MROH2A: variants seen among roughly 807,000 people sequenced by gnomAD.
MROH2A encodes the protein maestro heat-like repeat-containing protein family member 2A.
In MROH2A, 174 loss-of-function variants were observed where a neutral mutation model predicts 200.4. That is an observed-to-expected ratio of 0.87 (90% CI 0.77 to 0.98). The LOEUF is 0.98. MROH2A is among the 50% of genes least tolerant of loss of function. MROH2A has a pLI of 0.00. For synonymous variants in MROH2A, 829 were observed against 840.4 expected (o/e 0.99, Z 0.23); for missense variants, 2,045 against 2,139.6 (o/e 0.96, Z 0.87).
Position 233,818,751 on chromosome 2 carries a change from C to G in MROH2A, c.3185C>G (p.Ala1062Gly). Reference protein sequence around the residue: ...QSTDVEKIFCASSRIAKVVCM... With the variant: ...QSTDVEKIFCGSSRIAKVVCM... ...ACAGATGTGGAGAAGATCTTCTGTG[C>G]ATCCTCCAGAATCGCCAAGGTGACA... Residue 1062 changes from alanine to glycine, a missense_variant, in exon 29 of 42, where the codon GCA becomes GGA. By Grantham distance (60) the Ala-to-Gly change is moderately conservative. Coordinates refer to ENST00000389758, the MANE Select transcript of MROH2A (RefSeq NM_001394639.1). The G allele has an allele frequency of 6.5e-7, 1 of 1,547,854 alleles. No homozygotes were observed. The highest frequency in any genetic ancestry group is 8.7e-7 in the Non-Finnish European group (1 of 1,144,720).
Position 233,811,981 on chromosome 2 carries a change from AC to A in MROH2A, c.2651+26del, listed in dbSNP as rs11358819. Reference sequence around the variant, plus strand: ...TGAGGTGAGCTGGGTTCCCACCCTCACCCCATCCCAAGGGGTAGGGAAAAGT... The same window carrying A: ...TGAGGTGAGCTGGGTTCCCACCCTCACCCATCCCAAGGGGTAGGGAAAAGT... On this transcript the variant is annotated intron_variant, in intron 24 of 41. Coordinates refer to ENST00000389758, the MANE Select transcript of MROH2A (RefSeq NM_001394639.1). 5.3e-3 allele frequency: 8,096 copies of A among 1,515,852 alleles called. 341 individuals carry two copies. The African/African-American group carries it at 0.099, about 19-fold the overall frequency. 93.9% of individuals were successfully genotyped at this position (1,515,852 alleles called of 1,614,324 possible).
At chr2:233,817,392 G>A (rs893864325) in intron 27 of MROH2A, among the ~76,000 whole-genome samples, 4 of 152,140 alleles carry the variant, frequency 2.6e-5, no homozygotes, top group Non-Finnish European at 1.5e-5. Context: ...ATGGAGTCAG[G>A]GTCTGGGGCG....
chr2:233,796,451 T>C, intron 11 of MROH2A, 138 bp downstream of exon 11: 1 of 611,790 alleles, frequency 1.6e-6, no homozygotes, highest in Non-Finnish European at 2.9e-6. Context: ...GCCAAGGTTC[T>C]TGGCTGCTTT....
Position 233,831,411 on chromosome 2 carries a change from C to T in MROH2A, c.4605C>T (p.Ala1535=). The change falls in exon 39 of 42, where the codon GCC becomes GCT. Residue 1535 remains alanine, a splice_region_variant and synonymous_variant. Transcript: ENST00000389758. ...GCTGCCGTCCTGTGTCCCTGCAGGC[C>T]TGTATGGCTACCATGTTTCAGTGTG... ...SQDPCSNAAQ[A]CMATMFQCVH... The T allele has an allele frequency of 1.3e-6, 2 of 1,549,302 alleles. No homozygotes were observed. The highest frequency in any genetic ancestry group is 1.7e-6 in the Non-Finnish European group (2 of 1,146,362).
At chr2:233,822,654 T>C in intron 33 of MROH2A, 98 bp downstream of exon 33, 2 of 1,275,514 alleles carry the variant, frequency 1.6e-6, no homozygotes, top group Admixed American at 2.1e-5. Flanking sequence ...AGGGGCCCTC[T>C]GTCTCCTCCT....
At position 233,811,918 on chromosome 2, in the gene MROH2A, T is replaced by G; in HGVS notation, c.2610T>G (p.Ser870=). 6.4e-7 allele frequency: 1 copy of G among 1,550,424 alleles called. No homozygotes were observed. The highest frequency in any genetic ancestry group is 8.7e-7 in the Non-Finnish European group (1 of 1,146,934). The change falls in exon 24 of 42, where the codon TCT becomes TCG. Residue 870 remains serine, a synonymous_variant. Coordinates refer to ENST00000389758, the MANE Select transcript of MROH2A (RefSeq NM_001394639.1). ...CAGAACCGACTGACAACCTGGTTTC[T>G]CCAGTGCGAGCCTTGGCGATGGAGG... ...IKAEPTDNLV[S]PVRALAMEAL... is the part of the protein sequence containing the mutation.
At chr2:233,815,845 C>CTTTTTTTTTTTTTTTTTTTTTT (rs5839494) in intron 26 of MROH2A, among the ~76,000 whole-genome samples, 1 of 129,252 alleles carries the variant, frequency 7.7e-6, no homozygotes. Context: ...TTAGATTTTG[C>CTTTTTTTTTTTTTTTTTTTTTT]TTTTTTTTTT....
chr2:233,804,125 G>T lies in MROH2A; in HGVS notation c.1824G>T (p.Gln608His). ...TCAACCTCTTGAGGACCCTGAGCCAGAGCATCGCACCCTCCATGGCCGACA... is the reference window on the plus strand; with the variant it reads ...TCAACCTCTTGAGGACCCTGAGCCATAGCATCGCACCCTCCATGGCCGACA... ...AMLNLLRTLS[Q>H]SIAPSMADMW... Residue 608 changes from glutamine to histidine, a missense_variant, in exon 17 of 42, where the codon CAG (glutamine) becomes CAT (histidine). Gln to His is a conservative substitution (Grantham distance 24). This residue lies in a region of MROH2A where 831 missense variants were observed against 800.0 expected (regional missense o/e 1.04). Coordinates refer to ENST00000389758, the MANE Select transcript of MROH2A (RefSeq NM_001394639.1). 6.4e-7 allele frequency: 1 copy of T among 1,550,578 alleles called. No homozygotes were observed. The highest frequency in any genetic ancestry group is 8.7e-7 in the Non-Finnish European group (1 of 1,147,004).
intron 1 of MROH2A, among the ~76,000 whole-genome samples, chr2:233,779,034 A>G (rs1700802592): frequency 6.6e-6 from 1 of 152,178 alleles, no homozygotes; most frequent in South Asian, 2.1e-4. Context: ...GGCCCTCACC[A>G]CAGGCAGTTT....
At chr2:233,812,267 G>A (rs1575979596) in intron 24 of MROH2A, among the ~76,000 whole-genome samples, 1 of 152,232 alleles carries the variant, frequency 6.6e-6, no homozygotes, top group Non-Finnish European at 1.5e-5. Context: ...ACACTGAAGA[G>A]CATTGCAAGC....
Position 233,816,724 on chromosome 2 carries a change from A to G in MROH2A, c.2857-57A>G, listed in dbSNP as rs1410568458. 13 of 1,249,440 alleles carry G rather than the reference A, an allele frequency of 1.0e-5. No homozygotes were observed. In the East Asian group the frequency reaches 3.0e-4, roughly 29 times the overall value. The allele number at this position is 1,249,440 out of a possible 1,614,324, so 77.4% of individuals were successfully genotyped here. A position where few individuals can be genotyped will look rare whatever the true frequency, so the allele number is the denominator to read the frequency against. Reference sequence around the variant, plus strand: ...GTGAGGTGGGCAAAAGCTGGCCAGGAAAGGGCTGGCCCCAGGATTTTAACA... The same window carrying G: ...GTGAGGTGGGCAAAAGCTGGCCAGGGAAGGGCTGGCCCCAGGATTTTAACA... On this transcript the variant is annotated intron_variant, in intron 26 of 41. Transcript: ENST00000389758.
intron 31 of MROH2A, 101 bp from the exon 32 acceptor site, chr2:233,822,023 C>A: frequency 7.2e-7 from 1 of 1,385,434 alleles, no homozygotes; most frequent in Non-Finnish European, 9.6e-7. Context: ...TCCCCAGAGT[C>A]CAACCCCTAC....
Position 233,829,067 on chromosome 2 carries a change from G to A in MROH2A, c.4441G>A (p.Asp1481Asn), listed in dbSNP as rs1268782439. 6 of 1,513,854 alleles carry A rather than the reference G, an allele frequency of 4.0e-6. No individual in the cohort carries two copies. In the African/African-American group the frequency reaches 5.6e-5, roughly 14 times the overall value. The allele number at this position is 1,513,854 out of a possible 1,614,324, so 93.8% of individuals were successfully genotyped here. Residue 1481 changes from aspartate (D) to asparagine (N), a missense_variant, in exon 37 of 42, where the codon GAC (aspartate) becomes AAC (asparagine). This residue lies in a region of MROH2A where 1,201 missense variants were observed against 1,311.3 expected (regional missense o/e 0.92). Coordinates refer to ENST00000389758, the MANE Select transcript of MROH2A (RefSeq NM_001394639.1). ...GTCTGAGCAGTGCAGGATCTTCTTCGACAACGTGAGTCCGATGAGAGCCTC... is the reference window on the plus strand; with the variant it reads ...GTCTGAGCAGTGCAGGATCTTCTTCAACAACGTGAGTCCGATGAGAGCCTC... Reference protein sequence around the residue: ...AMSEQCRIFFDNESELLRLKA... With the variant: ...AMSEQCRIFFNNESELLRLKA...
At chr2:233,823,861 A>T (rs1314510106) in intron 35 of MROH2A, among the ~76,000 whole-genome samples, 197 bp downstream of exon 35, 6 of 152,182 alleles carry the variant, frequency 3.9e-5, no homozygotes. Context: ...TGCTGGAAAG[A>T]CAGGCTGAGC....
chr2:233,807,367 C>G lies in MROH2A; in HGVS notation c.2053-56C>G. ...GTAGAAAACTCTCTACAACAGCACC[C>G]CCTGAAGGCTGGCTGTAGGGAGGCC... is the stretch of plus-strand genomic sequence containing the variant. On this transcript the variant is annotated intron_variant, in intron 19 of 41. Transcript: ENST00000389758. The surrounding 1 kb of genome is among the most constrained non-coding windows in gnomAD (Gnocchi z 4.3). The G allele has an allele frequency of 1.3e-6, 2 of 1,505,432 alleles. No individual in the cohort carries two copies. The highest frequency in any genetic ancestry group is 1.3e-5 in the South Asian group (1 of 78,726). 93.3% of individuals were successfully genotyped at this position (1,505,432 alleles called of 1,614,324 possible).
At chr2:233,776,358 T>A (rs1398523307), upstream of MROH2A, among the ~76,000 whole-genome samples, 1 of 127,886 alleles carries the variant, frequency 7.8e-6, no homozygotes, top group Non-Finnish European at 1.6e-5. Flanking sequence ...TATTTACTTT[T>A]TTTTTTTTTT....
chr2:233,781,047 G>A lies in MROH2A; in HGVS notation c.276+1195G>A, dbSNP rs1700933547. The stretch of plus-strand genomic sequence containing the variant: ...CATAATGTCCTCCAGTTTTATTCAT[G>A]TTACGGTAAATGACAGGGTTTCTTT... On this transcript the variant is annotated intron_variant, in intron 3 of 41. Transcript: ENST00000389758. 1.3e-5 allele frequency among the ~76,000 whole-genome samples: 2 copies of A among 152,184 alleles called. 1 individual carries two copies. Among genetic ancestry groups the A allele is most frequent in the South Asian group, 4.1e-4 (2 of 4,836 alleles).
At chr2:233,777,382 A>G (rs146147101), upstream of MROH2A, among the ~76,000 whole-genome samples, 27 of 152,328 alleles carry the variant, frequency 1.8e-4, no homozygotes, top group East Asian at 4.0e-3. Context: ...TCAAACGGAA[A>G]AGAAGGCTCA....
At chr2:233,798,190 A>C (rs1348496069) in intron 11 of MROH2A, among the ~76,000 whole-genome samples, 1 of 152,130 alleles carries the variant, frequency 6.6e-6, no homozygotes, top group Admixed American at 6.5e-5. Context: ...TTCCTGCTTT[A>C]GTTGGGTGTG....
Sources: allele counts gnomAD v4.1 joint callset (sites outside exome capture counted in the v4.1 genomes callset), GRCh38; gene constraint gnomAD v4.1.1; regional missense constraint gnomAD v4.1.1; non-coding constraint Gnocchi (gnomAD v3.1); transcripts MANE v1.5; gene names NCBI Gene and HGNC (gene_info 2026-07-23, HGNC 2026-07-21).